Variants in TMCO5A observed in about 807,000 individuals in gnomAD.
The protein encoded by TMCO5A is transmembrane and coiled-coil domain-containing protein 5A.
A neutral mutation model predicts 42.3 loss-of-function variants in TMCO5A; 34 were observed. The ratio of observed to expected loss-of-function variants is 0.80; its 90% CI spans 0.61 to 1.07. The LOEUF is 1.07. Ranked by LOEUF, TMCO5A falls within the 50% of genes least tolerant of loss-of-function variation. The pLI, the probability that TMCO5A is intolerant of heterozygous loss-of-function variation, is 0.00. For synonymous variants in TMCO5A, 131 were observed against 115.6 expected (o/e 1.13, Z -0.86); for missense variants, 357 against 327.9 (o/e 1.09, Z -0.69).
chr15:37,937,266 G>A lies in TMCO5A; in HGVS notation c.265-80G>A, dbSNP rs532508651. On this transcript the variant is annotated intron_variant, in intron 4 of 11. Transcript: ENST00000319669. ...AAGTTACTGCAGGAAAATATAGCTGGGGTGAAATGGACAGCAATCAACTGA... is the reference window on the plus strand; with the variant it reads ...AAGTTACTGCAGGAAAATATAGCTGAGGTGAAATGGACAGCAATCAACTGA... 3.1e-5 allele frequency: 46 copies of A among 1,494,292 alleles called. No individual in the cohort carries two copies. The South Asian group carries it at 3.3e-4, about 11-fold the overall frequency. 92.6% of individuals were successfully genotyped at this position (1,494,292 alleles called of 1,614,324 possible). A position where few individuals can be genotyped will look rare whatever the true frequency, so the allele number is the denominator to read the frequency against.
chr15:38,039,222 T>A, the TMCO5A span, among the ~76,000 whole-genome samples: 1 of 152,172 alleles, frequency 6.6e-6, no homozygotes, highest in African/African-American at 2.4e-5. Context: ...AAAAATGGAA[T>A]CATCCTAAGT....
chr15:38,026,159 G>T, the TMCO5A span, among the ~76,000 whole-genome samples: 1 of 152,216 alleles, frequency 6.6e-6, no homozygotes, highest in Non-Finnish European at 1.5e-5. Context: ...ACAGGCAGAG[G>T]TTGGAACAGT....
At chr15:38,005,082 C>T in the TMCO5A span, among the ~76,000 whole-genome samples, 2 of 151,604 alleles carry the variant, frequency 1.3e-5, no homozygotes, top group Non-Finnish European at 2.9e-5. Context: ...GTTTCCATCA[C>T]CCCTATTGCA....
chr15:37,967,677 C>A (rs571932307), exon 12 of TMCO5A: 1 of 152,254 alleles, frequency 6.6e-6, no homozygotes, highest in South Asian at 2.1e-4. Flanking sequence ...TGAAGTATAT[C>A]TTTTCAGAAA....
At chr15:38,004,944 C>T in the TMCO5A span, 2 of 152,030 alleles carry the variant, frequency 1.3e-5, no homozygotes, top group African/African-American at 2.4e-5. Context: ...TCTATTTGGC[C>T]GTCTTGCTCT....
the TMCO5A span, among the ~76,000 whole-genome samples, chr15:37,990,675 A>T: frequency 6.6e-6 from 1 of 152,024 alleles, no homozygotes; most frequent in South Asian, 2.1e-4. Context: ...ATATTTTTCT[A>T]TATACCTTTT....
At chr15:38,025,197 G>C in the TMCO5A span, among the ~76,000 whole-genome samples, 1 of 134,832 alleles carries the variant, frequency 7.4e-6, no homozygotes, top group African/African-American at 2.7e-5. Context: ...GTGTGTGTGT[G>C]TGTGGAAGCA....
At chr15:38,029,076 C>T in the TMCO5A span, among the ~76,000 whole-genome samples, 3 of 151,750 alleles carry the variant, frequency 2.0e-5, no homozygotes, top group Non-Finnish European at 4.4e-5. Flanking sequence ...CTGTAGGAGG[C>T]AAGGAGGAAA....
the TMCO5A span, among the ~76,000 whole-genome samples, chr15:38,036,203 T>A: frequency 0.073 from 11,120 of 152,196 alleles, 1,337 homozygotes; most frequent in African/African-American, 0.25. Flanking sequence ...CATACCCAGG[T>A]CTGCTAGTGG....
the TMCO5A span, among the ~76,000 whole-genome samples, chr15:38,008,468 T>G: frequency 2.6e-5 from 4 of 152,302 alleles, no homozygotes; most frequent in East Asian, 7.7e-4. Context: ...CCCAACTTAA[T>G]TGACTCTAGA....
the TMCO5A span, among the ~76,000 whole-genome samples, chr15:37,991,264 T>C: frequency 6.6e-6 from 1 of 152,162 alleles, no homozygotes; most frequent in African/African-American, 2.4e-5. Context: ...CATTTCAACC[T>C]ACAGGACTCC....
At chr15:38,008,154 CA>C in the TMCO5A span, among the ~76,000 whole-genome samples, 1 of 151,632 alleles carries the variant, frequency 6.6e-6, no homozygotes, top group Non-Finnish European at 1.5e-5. Flanking sequence ...CTTGGCCTCC[CA>C]AAGTGCTGAG....
chr15:37,950,054 C>CT (rs1389126673), intron 11 of TMCO5A, among the ~76,000 whole-genome samples: 1 of 152,210 alleles, frequency 6.6e-6, no homozygotes, highest in Admixed American at 6.5e-5. Context: ...AACATGACTG[C>CT]TGTCTTCCTC....
chr15:37,977,149 G>A, the TMCO5A span, among the ~76,000 whole-genome samples: 148 of 152,220 alleles, frequency 9.7e-4, no homozygotes, highest in African/African-American at 3.5e-3. Flanking sequence ...CCTCGGATTG[G>A]GTTTCAACTT....
the TMCO5A span, among the ~76,000 whole-genome samples, chr15:37,973,764 C>T: frequency 6.6e-6 from 1 of 152,118 alleles, no homozygotes; most frequent in East Asian, 1.9e-4. Flanking sequence ...TAGTTTCTTT[C>T]TCTTGCCTGA....
the TMCO5A span, among the ~76,000 whole-genome samples, chr15:38,010,161 C>T: frequency 6.6e-6 from 1 of 151,830 alleles, no homozygotes; most frequent in Non-Finnish European, 1.5e-5. Flanking sequence ...ATCACGAGGT[C>T]AGGAGATCGA....
At chr15:37,966,873 C>T in exon 12 of TMCO5A, 1 of 578,314 alleles carries the variant, frequency 1.7e-6, no homozygotes, top group Non-Finnish European at 3.1e-6. Context: ...GGATTAAGAG[C>T]AGTCAAAGAA....
At chr15:38,010,456 C>CACACAG in the TMCO5A span, among the ~76,000 whole-genome samples, 2 of 145,392 alleles carry the variant, frequency 1.4e-5, no homozygotes, top group Non-Finnish European at 3.0e-5. Context: ...CACACACACA[C>CACACAG]AGGAAGGGGC....
intron 6 of TMCO5A, 115 bp from the exon 7 acceptor site, chr15:37,941,032 CGT>C: frequency 1.2e-6 from 1 of 831,420 alleles, no homozygotes; most frequent in Non-Finnish European, 2.0e-6. Context: ...TATCAGGAGA[CGT>C]GTGAAGTCAT....
Sources: gnomAD v4.1 joint callset for allele counts (sites outside exome capture counted in the v4.1 genomes callset) on GRCh38, gnomAD v4.1.1 for gene constraint, MANE v1.5 for transcripts, NCBI Gene and HGNC (gene_info 2026-07-23, HGNC 2026-07-21) for gene names.